The following ARHGAP22 variants were observed in gnomAD, a reference collection of about 807,000 sequenced individuals.
ARHGAP22 encodes the protein rho GTPase-activating protein 22.
In ARHGAP22, 48 loss-of-function variants were observed where a neutral mutation model predicts 59.1. That is an observed-to-expected ratio of 0.81 (90% CI 0.64 to 1.03). The LOEUF (loss-of-function observed/expected upper bound fraction) is 1.03. ARHGAP22 is among the 50% of genes least tolerant of loss of function. The pLI is 0.00. For missense variants in ARHGAP22, 1,015 were observed against 958.7 expected (o/e 1.06, Z -0.78); for synonymous variants, 445 against 416.4 (o/e 1.07, Z -0.84).
upstream of ARHGAP22, chr10:48,655,635 T>C (rs901487496): frequency 9.8e-5 from 15 of 152,926 alleles, no homozygotes; most frequent in Non-Finnish European, 1.7e-4. Flanking sequence ...ACGCTCGTCT[T>C]GGAATGACTC....
At chr10:48,554,172 T>C (rs1389068437) in intron 3 of ARHGAP22, among the ~76,000 whole-genome samples, 1 of 152,216 alleles carries the variant, frequency 6.6e-6, no homozygotes, top group Non-Finnish European at 1.5e-5. Flanking sequence ...CAGGCGCGTA[T>C]AGTTGGAAAG....
chr10:48,582,868 C>A (rs2059200598), intron 2 of ARHGAP22, 85 bp downstream of exon 2: 1 of 1,492,376 alleles, frequency 6.7e-7, no homozygotes, highest in Non-Finnish European at 9.2e-7. Context: ...TGGCTCTGTG[C>A]CTTCCTCCCT....
intron 1 of ARHGAP22, among the ~76,000 whole-genome samples, chr10:48,628,559 C>G (rs1356801341): frequency 6.6e-6 from 1 of 152,092 alleles, no homozygotes; most frequent in Non-Finnish European, 1.5e-5. Flanking sequence ...TTGGCTCTAC[C>G]CTACCACCTT....
intron 2 of ARHGAP22, among the ~76,000 whole-genome samples, chr10:48,567,637 T>TG (rs1431685991): frequency 1.3e-5 from 2 of 152,092 alleles, no homozygotes; most frequent in Non-Finnish European, 2.9e-5. Flanking sequence ...GTGCTTAGGT[T>TG]GGGGCCATGG....
At chr10:48,434,924 G>C in the ARHGAP22 span, 1 of 1,613,300 alleles carries the variant, frequency 6.2e-7, no homozygotes, top group Non-Finnish European at 8.5e-7. Context: ...CATCATCATC[G>C]TCGTCTGTCA....
chr10:48,492,042 G>A (rs58193170), intron 3 of ARHGAP22, among the ~76,000 whole-genome samples: 1,721 of 152,278 alleles, frequency 0.011, 34 homozygotes, highest in African/African-American at 0.039. Context: ...GGGAGAGGGG[G>A]AGGCTCGAAA....
chr10:48,630,211 C>T (rs1010257542), intron 1 of ARHGAP22, among the ~76,000 whole-genome samples: 1 of 152,194 alleles, frequency 6.6e-6, no homozygotes, highest in African/African-American at 2.4e-5. Context: ...CCTGCCTCAG[C>T]CTCCTGACTA....
intron 3 of ARHGAP22, among the ~76,000 whole-genome samples, chr10:48,521,346 G>A (rs1335497230): frequency 1.3e-5 from 2 of 152,212 alleles, no homozygotes; most frequent in East Asian, 3.8e-4. Flanking sequence ...ATAAAGCCCA[G>A]GATTTGGGTT....
intron 1 of ARHGAP22, among the ~76,000 whole-genome samples, chr10:48,595,502 T>C (rs776944076): frequency 6.6e-6 from 1 of 152,148 alleles, no homozygotes; most frequent in East Asian, 1.9e-4. Context: ...AAAAACTTGT[T>C]TATATATATG....
chr10:48,632,284 G>T (rs1355838946), intron 1 of ARHGAP22, among the ~76,000 whole-genome samples: 1 of 152,194 alleles, frequency 6.6e-6, no homozygotes, highest in East Asian at 1.9e-4. Flanking sequence ...CCAAGTTGCT[G>T]CAAAAGACAT....
intron 5 of ARHGAP22, among the ~76,000 whole-genome samples, chr10:48,456,098 C>T (rs1173410944): frequency 6.6e-6 from 1 of 152,174 alleles, no homozygotes; most frequent in Non-Finnish European, 1.5e-5. Context: ...GCATCTCCTC[C>T]GAGCTTGCGT....
chr10:48,547,204 C>G (rs935271), intron 3 of ARHGAP22, among the ~76,000 whole-genome samples: 36,140 of 152,242 alleles, frequency 0.24, 4,510 homozygotes, highest in African/African-American at 0.26. Flanking sequence ...CATGCAGACA[C>G]CAGCTTGCCT....
chr10:48,591,911 T>C (rs2059781352), intron 1 of ARHGAP22, among the ~76,000 whole-genome samples: 1 of 152,070 alleles, frequency 6.6e-6, no homozygotes, highest in Non-Finnish European at 1.5e-5. Context: ...CAACAAAACA[T>C]GCATGCTCTG....
intron 3 of ARHGAP22, chr10:48,546,760 A>G (rs891035539): frequency 2.0e-5 from 3 of 152,678 alleles, no homozygotes; most frequent in African/African-American, 7.2e-5. Flanking sequence ...CACCTCTATC[A>G]GAGCACTCAT....
intron 2 of ARHGAP22, among the ~76,000 whole-genome samples, chr10:48,566,359 T>C (rs1026830844): frequency 2.2e-4 from 33 of 152,322 alleles, no homozygotes; most frequent in African/African-American, 7.0e-4. Flanking sequence ...CAGATCAGAA[T>C]GAAGTTCAGT....
chr10:48,476,846 G>A (rs75931494), intron 4 of ARHGAP22, among the ~76,000 whole-genome samples: 2,317 of 152,268 alleles, frequency 0.015, 62 homozygotes, highest in African/African-American at 0.053. Flanking sequence ...GCTCTTGGAC[G>A]GGCTATTTGG....
rs1448331673 is a variant in ARHGAP22, at chr10:48,643,763, A to AT, written c.52+8470_52+8471insA. Among the ~76,000 whole-genome samples the AT allele has an allele frequency of 4.8e-3, 676 of 140,738 alleles. 3 individuals are homozygous for AT. The highest frequency in any genetic ancestry group is 0.019 in the Middle Eastern group (5 of 264). The allele number at this position is 140,738 out of a possible 152,430, so 92.3% of individuals were successfully genotyped here. On this transcript the variant is annotated intron_variant, in intron 1 of 9. Coordinates refer to the ARHGAP22 transcript ENST00000435790. ...ACTTAAAGTATAATTAAAAAAAAAAAAATATATATATATATATATGCCACA... is the reference window on the plus strand; with the variant it reads ...ACTTAAAGTATAATTAAAAAAAAAAATAATATATATATATATATATGCCACA...
chr10:48,588,771 G>A (rs181508915), intron 1 of ARHGAP22, among the ~76,000 whole-genome samples: 24 of 152,328 alleles, frequency 1.6e-4, no homozygotes, highest in African/African-American at 5.3e-4. Context: ...AGTCTGGCAG[G>A]GGAAGTAAAT....
chr10:48,599,850 T>A (rs1487059336), intron 1 of ARHGAP22, among the ~76,000 whole-genome samples: 2 of 152,158 alleles, frequency 1.3e-5, no homozygotes, highest in Admixed American at 1.3e-4. Flanking sequence ...GATGGCATTG[T>A]GCGTACCTGC....
Sources: gnomAD v4.1 joint callset for allele counts (sites outside exome capture counted in the v4.1 genomes callset) on GRCh38, gnomAD v4.1.1 for gene constraint, MANE v1.5 for transcripts, NCBI Gene and HGNC (gene_info 2026-07-23, HGNC 2026-07-21) for gene names.